Variants in PCDHGA1 observed in about 807,000 individuals in gnomAD.
PCDHGA1 encodes the protein protocadherin gamma subfamily A, 1.
PCDHGA1 carries 32 observed loss-of-function variants against 58.0 expected under a neutral mutation model. That is an observed-to-expected ratio of 0.55 (90% CI 0.42 to 0.74). The LOEUF is 0.74. Among genes scored for constraint, PCDHGA1 ranks in the 30% least tolerant of loss-of-function variants. The probability of loss-of-function intolerance (pLI) is 0.00; values close to 1 mark genes in which losing one functional copy is unlikely to be tolerated. For synonymous variants in PCDHGA1, 498 were observed against 501.1 expected, an observed-to-expected ratio of 0.99 and a Z score of 0.08; for missense variants, 1,205 against 1,182.3, an observed-to-expected ratio of 1.02 and a Z score of -0.28.
At chr5:141,415,573 G>A (rs375863243) in intron 1 of PCDHGA1, 68 of 1,613,906 alleles carry the variant, frequency 4.2e-5, no homozygotes, top group Non-Finnish European at 1.2e-5. Flanking sequence ...TTTGTTAGAT[G>A]ATTCGAAGTT....
intron 1 of PCDHGA1, chr5:141,414,260 A>G: frequency 6.2e-7 from 1 of 1,613,444 alleles, no homozygotes; most frequent in Non-Finnish European, 8.5e-7. Context: ...CCAGTGACTG[A>G]AGATTCACCT....
chr5:141,365,651 A>C (rs774193854), intron 1 of PCDHGA1: 53 of 1,613,528 alleles, frequency 3.3e-5, no homozygotes, highest in Non-Finnish European at 4.3e-5. Flanking sequence ...CATCCCCTTG[A>C]AAGTAGCAGA....
chr5:141,500,521 A>T lies in PCDHGA1; in HGVS notation c.2481-4872A>T, dbSNP rs185546944. 3.7e-3 allele frequency among the ~76,000 whole-genome samples: 560 copies of T among 152,176 alleles called. 5 individuals are homozygous for T. Among genetic ancestry groups the T allele is most frequent in the Admixed American group, 0.011 (162 of 15,280 alleles). On this transcript the variant is annotated intron_variant, in intron 2 of 3. Coordinates refer to ENST00000517417, the MANE Select transcript of PCDHGA1 (RefSeq NM_018912.3). Reference sequence around the variant, plus strand: ...ACCGCGCCTGGCCGAGCTTCATTTTAAAAAAATCTCATTCACCTAAATAAG... The same window carrying T: ...ACCGCGCCTGGCCGAGCTTCATTTTTAAAAAATCTCATTCACCTAAATAAG...
chr5:141,473,245 C>T (rs2099317733), intron 1 of PCDHGA1, among the ~76,000 whole-genome samples: 1 of 152,134 alleles, frequency 6.6e-6, no homozygotes, highest in African/African-American at 2.4e-5. Context: ...CAAGTGAATA[C>T]ATATATAGTC....
intron 1 of PCDHGA1, chr5:141,414,008 A>G (rs753686379): frequency 4.3e-6 from 7 of 1,613,188 alleles, no homozygotes; most frequent in Middle Eastern, 1.6e-4. Context: ...GAAGGTGCCA[A>G]TGGAGAAGTG....
intron 1 of PCDHGA1, among the ~76,000 whole-genome samples, chr5:141,458,883 C>A (rs1171747288): frequency 6.6e-6 from 1 of 152,136 alleles, no homozygotes; most frequent in East Asian, 1.9e-4. Flanking sequence ...CAGGCATGCA[C>A]ACCATGCGCA....
At chr5:141,436,173 A>T (rs556225963) in intron 1 of PCDHGA1, among the ~76,000 whole-genome samples, 1 of 152,302 alleles carries the variant, frequency 6.6e-6, no homozygotes, top group East Asian at 1.9e-4. Context: ...GACAGTTCTC[A>T]TATATAGTCA....
intron 1 of PCDHGA1, chr5:141,355,879 A>G: frequency 6.2e-7 from 1 of 1,613,334 alleles, no homozygotes; most frequent in Non-Finnish European, 8.5e-7. Context: ...TGGCACTGCC[A>G]GGATTCTCAT....
chr5:141,370,464 T>C (rs1766931580), intron 1 of PCDHGA1: 1 of 1,613,018 alleles, frequency 6.2e-7, no homozygotes, highest in Middle Eastern at 1.7e-4. Context: ...CCTGCTCTCT[T>C]TGTTAGACCA....
chr5:141,404,497 T>C, intron 1 of PCDHGA1: 1 of 1,613,930 alleles, frequency 6.2e-7, no homozygotes, highest in Non-Finnish European at 8.5e-7. Context: ...GTGTGCTGTA[T>C]GCTCTGTGCT....
chr5:141,410,189 G>T, intron 1 of PCDHGA1: 1 of 1,613,992 alleles, frequency 6.2e-7, no homozygotes, highest in Non-Finnish European at 8.5e-7. Flanking sequence ...GCTTCATCTG[G>T]TCTTCGCAGA....
chr5:141,330,943 G>A lies in PCDHGA1; in HGVS notation c.259G>A (p.Ala87Thr), dbSNP rs1756332605. 1 of 1,614,220 alleles carries A rather than the reference G, an allele frequency of 6.2e-7. No individual in the cohort carries two copies. The highest frequency in any genetic ancestry group is 8.5e-7 in the Non-Finnish European group (1 of 1,180,046). The change falls in exon 1 of 4, where the codon GCG becomes ACG. Residue 87 changes from alanine (A) to threonine (T), a missense_variant. Transcript: ENST00000517417. ...TCCTAGAAGTGGCAGCTTGATCACC[G>A]CGCGCAGGATAGACCGGGAGGAGCT... ...LNPRSGSLIT[A>T]RRIDREELCA...
At chr5:141,362,873 A>G (rs1482910489) in intron 1 of PCDHGA1, among the ~76,000 whole-genome samples, 3 of 152,176 alleles carry the variant, frequency 2.0e-5, no homozygotes, top group Non-Finnish European at 4.4e-5. Context: ...GCTCTTTGTT[A>G]TTCAAATTTT....
rs754983576 is a variant in PCDHGA1, at chr5:141,330,809, G to C, written c.125G>C (p.Gly42Ala). Residue 42 changes from glycine to alanine, a missense_variant, in exon 1 of 4, where the codon GGT becomes GCT. Physicochemically the swap from Gly to Ala is moderately conservative, Grantham distance 60. Transcript: ENST00000517417. ...TCAGTGCCGGAAGAGACAGACAAAGGTTCCTTCGTAGGCAACATCGCCAAG... is the reference window on the plus strand; with the variant it reads ...TCAGTGCCGGAAGAGACAGACAAAGCTTCCTTCGTAGGCAACATCGCCAAG... ...HYSVPEETDKGSFVGNIAKDL... is the reference protein window; with the variant it reads ...HYSVPEETDKASFVGNIAKDL... The C allele has an allele frequency of 6.2e-7, 1 of 1,614,198 alleles. No individual in the cohort carries two copies. The highest frequency in any genetic ancestry group is 1.1e-5 in the South Asian group (1 of 91,084).
Position 141,476,500 on chromosome 5 carries a change from C to A in PCDHGA1, c.2422-18307C>A. The A allele has an allele frequency of 6.2e-7, 1 of 1,613,874 alleles. No homozygotes were observed. The highest frequency in any genetic ancestry group is 8.5e-7 in the Non-Finnish European group (1 of 1,179,950). ...GCGTGGAAGTGGTGATCCAGGACAT[C>A]AACGACAACAATCCTGCTTTCCCTA... On this transcript the variant is annotated intron_variant, in intron 1 of 3. Coordinates refer to ENST00000517417, the MANE Select transcript of PCDHGA1 (RefSeq NM_018912.3). The surrounding 1 kb of genome is among the most constrained non-coding windows in gnomAD (Gnocchi z 7.6).
At chr5:141,372,131 G>C (rs181587030) in intron 1 of PCDHGA1, 4 of 1,613,644 alleles carry the variant, frequency 2.5e-6, no homozygotes, top group African/African-American at 1.3e-5. Context: ...ATATGGTGCC[G>C]CGCTCTGCAG....
Position 141,485,581 on chromosome 5 carries a change from G to C in PCDHGA1, c.2422-9226G>C. The C allele has an allele frequency of 6.2e-7, 1 of 1,612,458 alleles. No individual in the cohort carries two copies. The highest frequency in any genetic ancestry group is 8.5e-7 in the Non-Finnish European group (1 of 1,178,652). ...ATCACGCCCCCCGTTTTCCGCGGCA[G>C]CAGCTGGACTTGGAAATTGGGGAGG... On this transcript the variant is annotated intron_variant, in intron 1 of 3. Coordinates refer to ENST00000517417, the MANE Select transcript of PCDHGA1 (RefSeq NM_018912.3). This position sits in a 1 kb window ranked among gnomAD's most constrained non-coding sequence, Gnocchi z 5.7.
rs61749035 is a variant in PCDHGA1 at position 141,339,183 on chromosome 5, G to T, written c.2421+6078G>T. The T allele has an allele frequency of 2.6e-3, 4,135 of 1,614,114 alleles. 111 individuals are homozygous for T. The African/African-American group carries it at 0.048, about 19-fold the overall frequency. On this transcript the variant is annotated intron_variant, in intron 1 of 3. Transcript: ENST00000517417. ...GGAGTCCGCATCGTCTCCAGAGGTA[G>T]GTCCCAGCTCTTTGCTCTGAACCCG...
chr5:141,341,647 T>C, intron 1 of PCDHGA1: 1 of 719,482 alleles, frequency 1.4e-6, no homozygotes, highest in South Asian at 2.0e-5. Context: ...GAGCACTGCA[T>C]TAGGAACTAG....
Sources: gnomAD v4.1 joint callset for allele counts (sites outside exome capture counted in the v4.1 genomes callset) on GRCh38, gnomAD v4.1.1 for gene constraint, Gnocchi (gnomAD v3.1) non-coding constraint, MANE v1.5 for transcripts, NCBI Gene and HGNC (gene_info 2026-07-23, HGNC 2026-07-21) for gene names.